The following RPIA variants were observed in gnomAD, a reference collection of about 807,000 sequenced individuals.
RPIA encodes ribose-5-phosphate isomerase.
RPIA carries 29 observed loss-of-function variants against 37.8 expected under a neutral mutation model. The ratio of observed to expected loss-of-function variants is 0.77; its 90% CI spans 0.57 to 1.05. The LOEUF is 1.05. RPIA is among the 50% of genes least tolerant of loss of function. RPIA has a pLI of 0.00. For synonymous variants in RPIA, 167 were observed against 157.0 expected (o/e 1.06, Z -0.48); for missense variants, 385 against 413.6 (o/e 0.93, Z 0.60).
At position 88,750,586 on chromosome 2, in the gene RPIA, C is replaced by G. The variant is rs1234971673; in HGVS notation, c.*508C>G. ...TTTTTATTGTGAGCACACATAGTACCTAGTTACATCTTAAGATCAGGTTTA... is the reference window on the plus strand; with the variant it reads ...TTTTTATTGTGAGCACACATAGTACGTAGTTACATCTTAAGATCAGGTTTA... On this transcript the variant is annotated 3_prime_UTR_variant, in exon 9 of 9. Transcript: ENST00000283646. The G allele has an allele frequency of 7.3e-6, 3 of 408,238 alleles. No homozygotes were observed. The highest frequency in any genetic ancestry group is 1.3e-5 in the Non-Finnish European group (3 of 231,182). The allele number at this position is 408,238 out of a possible 1,614,324, so 25.3% of individuals were successfully genotyped here. A position where few individuals can be genotyped will look rare whatever the true frequency, so the allele number is the denominator to read the frequency against.
intron 3 of RPIA, among the ~76,000 whole-genome samples, chr2:88,711,605 T>A (rs1672963030): frequency 6.6e-6 from 1 of 152,068 alleles, no homozygotes; most frequent in South Asian, 2.1e-4. Flanking sequence ...AGTGCCAGAG[T>A]CTTAATTAAT....
intron 1 of RPIA, among the ~76,000 whole-genome samples, chr2:88,693,585 T>G (rs1018386208): frequency 6.6e-6 from 1 of 152,260 alleles, no homozygotes; most frequent in African/African-American, 2.4e-5. Context: ...GTTCGTTTCT[T>G]CCAGCCCCTT....
chr2:88,714,826 C>T (rs925794078), intron 3 of RPIA, among the ~76,000 whole-genome samples: 11 of 152,184 alleles, frequency 7.2e-5, no homozygotes, highest in Non-Finnish European at 1.6e-4. Flanking sequence ...TGTCAGCCAC[C>T]GAGTTCTGGG....
intron 8 of RPIA, among the ~76,000 whole-genome samples, chr2:88,744,981 G>C (rs1389196528): frequency 1.3e-5 from 2 of 152,130 alleles, no homozygotes; most frequent in Non-Finnish European, 2.9e-5. Context: ...TTTTGAGACA[G>C]AGTTTCACTC....
At chr2:88,727,161 C>T (rs1201363725) in intron 3 of RPIA, among the ~76,000 whole-genome samples, 2 of 152,212 alleles carry the variant, frequency 1.3e-5, no homozygotes, top group Admixed American at 6.5e-5. Flanking sequence ...AGTCTGCAGC[C>T]TTACCCCTGC....
rs111236885 is a variant in RPIA, at chr2:88,719,203, T to C, written c.403-10075T>C. On this transcript the variant is annotated intron_variant, in intron 3 of 8. Transcript: ENST00000283646. ...ATGACAAAAAGTTTTAGGGCAGCTA[T>C]AGTCAAGACACAGTTGACAAGGAGA... Among the ~76,000 whole-genome samples the C allele has an allele frequency of 3.4e-3, 518 of 152,288 alleles. 2 individuals carry two copies. The highest frequency in any genetic ancestry group is 0.012 in the African/African-American group (493 of 41,560).
chr2:88,711,618 T>TC (rs1483982947), intron 3 of RPIA, among the ~76,000 whole-genome samples: 1 of 152,206 alleles, frequency 6.6e-6, no homozygotes, highest in Non-Finnish European at 1.5e-5. Flanking sequence ...TAATTAATTC[T>TC]CCCCTGGGTC....
chr2:88,715,701 ACTT>A (rs1299569971), intron 3 of RPIA, among the ~76,000 whole-genome samples: 1 of 152,160 alleles, frequency 6.6e-6, no homozygotes, highest in African/African-American at 2.4e-5. Context: ...TATTTTAGTT[ACTT>A]CTTAGCTTTC....
intron 7 of RPIA, among the ~76,000 whole-genome samples, chr2:88,737,359 A>T (rs970102607): frequency 8.5e-5 from 13 of 152,056 alleles, no homozygotes; most frequent in African/African-American, 3.1e-4. Context: ...ATTTTGATAT[A>T]TTTTGTCCCC....
chr2:88,698,064 T>A (rs1178566268), intron 1 of RPIA, among the ~76,000 whole-genome samples: 1 of 151,656 alleles, frequency 6.6e-6, no homozygotes, highest in Non-Finnish European at 1.5e-5. Flanking sequence ...CTTTTCTTTC[T>A]TCTTCTTCTT....
At chr2:88,737,862 T>TA in intron 7 of RPIA, 115 bp from the exon 8 acceptor site, 1 of 750,518 alleles carries the variant, frequency 1.3e-6, no homozygotes, top group South Asian at 1.4e-5. Flanking sequence ...CTAGAAAGCA[T>TA]AAGGTGGGAG....
chr2:88,727,808 T>G (rs1673217520), intron 3 of RPIA, among the ~76,000 whole-genome samples: 1 of 152,228 alleles, frequency 6.6e-6, no homozygotes, highest in African/African-American at 2.4e-5. Flanking sequence ...CTATTTTTGC[T>G]GTTTTCCTTT....
intron 1 of RPIA, among the ~76,000 whole-genome samples, chr2:88,693,526 A>G (rs1026692348): frequency 3.3e-5 from 5 of 152,130 alleles, no homozygotes; most frequent in African/African-American, 1.2e-4. Context: ...GTAGCACTTC[A>G]TGCCTCTTAT....
At chr2:88,746,650 C>T (rs1349891991) in intron 8 of RPIA, among the ~76,000 whole-genome samples, 2 of 152,160 alleles carry the variant, frequency 1.3e-5, no homozygotes, top group South Asian at 2.1e-4. Flanking sequence ...GCACCTGCTT[C>T]GGTGGAGGTG....
Position 88,750,546 on chromosome 2 carries a change from T to C in RPIA, c.*468T>C. On this transcript the variant is annotated 3_prime_UTR_variant, in exon 9 of 9. Coordinates refer to ENST00000283646, the MANE Select transcript of RPIA (RefSeq NM_144563.3). ...TGTTTACTTGTCTGCTACCCTCTGA[T>C]TTGTTTTTAGTTAGTTTTTATTGTG... 2 of 414,932 alleles carry C rather than the reference T, an allele frequency of 4.8e-6. No individual in the cohort carries two copies. The highest frequency in any genetic ancestry group is 6.2e-4 in the Middle Eastern group (1 of 1,610). The allele number at this position is 414,932 out of a possible 1,614,324, so 25.7% of individuals were successfully genotyped here. A position where few individuals can be genotyped will look rare whatever the true frequency, so the allele number is the denominator to read the frequency against.
chr2:88,743,281 A>G (rs1673403961), intron 8 of RPIA, among the ~76,000 whole-genome samples: 1 of 152,162 alleles, frequency 6.6e-6, no homozygotes, highest in Non-Finnish European at 1.5e-5. Context: ...CTTTTTCTGC[A>G]TCTATTGAGA....
At position 88,722,164 on chromosome 2, in the gene RPIA, C is replaced by CTTT. The variant is rs59179173; in HGVS notation, c.403-7107_403-7105dup. 2.5e-4 allele frequency among the ~76,000 whole-genome samples: 38 copies of CTTT among 150,510 alleles called. No individual in the cohort carries two copies. In the South Asian group the frequency reaches 7.0e-3, roughly 28 times the overall value. Reference sequence around the variant, plus strand: ...TTTAAGCTTTTTCACCAAAAAAACCCTTTTTTTTTATAGCTTTCTTTACAT... The same window carrying CTTT: ...TTTAAGCTTTTTCACCAAAAAAACCCTTTTTTTTTTTTATAGCTTTCTTTACAT... On this transcript the variant is annotated intron_variant, in intron 3 of 8. Coordinates refer to ENST00000283646, the MANE Select transcript of RPIA (RefSeq NM_144563.3).
intron 3 of RPIA, among the ~76,000 whole-genome samples, chr2:88,700,653 C>G (rs1021033917): frequency 6.7e-6 from 1 of 149,704 alleles, no homozygotes; most frequent in African/African-American, 2.5e-5. Flanking sequence ...GACCCTGTCT[C>G]AAGAAAAAAA....
chr2:88,696,913 T>C (rs939728409), intron 1 of RPIA, among the ~76,000 whole-genome samples: 1 of 152,182 alleles, frequency 6.6e-6, no homozygotes, highest in African/African-American at 2.4e-5. Context: ...AATATTGTTA[T>C]AATGGCAATT....
Sources: gnomAD v4.1 joint callset for allele counts (sites outside exome capture counted in the v4.1 genomes callset) on GRCh38, gnomAD v4.1.1 for gene constraint, MANE v1.5 for transcripts, NCBI Gene and HGNC (gene_info 2026-07-23, HGNC 2026-07-21) for gene names.